The following GPR161 variants were observed in gnomAD, a reference collection of about 807,000 sequenced individuals.
The protein encoded by GPR161 is G-protein coupled receptor RE2.
GPR161 carries 25 observed loss-of-function variants against 39.2 expected under a neutral mutation model. The ratio of observed to expected loss-of-function variants is 0.64; its 90% CI spans 0.47 to 0.89. GPR161 has a LOEUF of 0.89. GPR161 is among the 40% of genes least tolerant of loss of function. GPR161 has a pLI of 0.00. For missense variants in GPR161, 547 were observed against 677.8 expected (o/e 0.81, Z 2.14); for synonymous variants, 286 against 276.6 (o/e 1.03, Z -0.34).
rs35898929 is a variant in GPR161 at position 168,097,121 on chromosome 1, G to A, written c.486C>T (p.Pro162=). The A allele has an allele frequency of 3.6e-3, 5,810 of 1,614,060 alleles. 158 individuals carry two copies. The African/African-American group carries it at 0.064, about 18-fold the overall frequency. Residue 162 remains proline, a synonymous_variant, in exon 3 of 6, where the codon CCC becomes CCT. Coordinates refer to ENST00000682931, the MANE Select transcript of GPR161 (RefSeq NM_001375883.1). ...WLHSLIGCLP[P]LFGWSSVEFD... is the part of the protein sequence containing the mutation. The stretch of plus-strand genomic sequence containing the variant: ...ACTCCACGGATGACCAACCAAACAG[G>A]GGTGGCAGGCAGCCGATGAGCGAGT...
intron 1 of GPR161, among the ~76,000 whole-genome samples, chr1:168,123,065 A>G (rs1698308293): frequency 6.6e-6 from 1 of 152,228 alleles, no homozygotes; most frequent in South Asian, 2.1e-4. Context: ...AGTAGCAGAC[A>G]CTATTCATTA....
intron 1 of GPR161, among the ~76,000 whole-genome samples, chr1:168,106,315 A>G (rs1696622471): frequency 6.6e-6 from 1 of 152,212 alleles, no homozygotes; most frequent in Non-Finnish European, 1.5e-5. Flanking sequence ...CAGGGCGCAG[A>G]GTGGCTCACA....
chr1:168,122,220 G>C (rs962403403), intron 1 of GPR161, among the ~76,000 whole-genome samples: 1 of 151,944 alleles, frequency 6.6e-6, no homozygotes, highest in African/African-American at 2.4e-5. Context: ...GCAGGCCCTA[G>C]ACTACGGAGT....
At position 168,096,611 on chromosome 1, in the gene GPR161, G is replaced by A. The variant is rs757507182; in HGVS notation, c.996C>T (p.Arg332=). ...CAAAGCACATGCCCAGTAGTTCTTT[G>A]CGAACTGTCTTGTTCCAGAGTCCAT... ...LIYGLWNKTV[R]KELLGMCFGD... Residue 332 remains arginine (R), a synonymous_variant, in exon 3 of 6, where the codon CGC becomes CGT. Coordinates refer to ENST00000682931, the MANE Select transcript of GPR161 (RefSeq NM_001375883.1). The A allele has an allele frequency of 2.5e-6, 4 of 1,614,200 alleles. No homozygotes were observed. In the East Asian group the frequency reaches 8.9e-5, roughly 36 times the overall value.
intron 1 of GPR161, among the ~76,000 whole-genome samples, chr1:168,134,675 C>T (rs1371889914): frequency 1.3e-5 from 2 of 152,174 alleles, no homozygotes; most frequent in Non-Finnish European, 2.9e-5. Context: ...GAATCAGTTG[C>T]TATCTTTAAA....
intron 1 of GPR161, among the ~76,000 whole-genome samples, chr1:168,124,827 G>GTAC (rs1376062822): frequency 1.3e-5 from 2 of 152,134 alleles, no homozygotes; most frequent in African/African-American, 4.8e-5. Context: ...GCAAAGTGTG[G>GTAC]TACTCCTCCC....
At chr1:168,135,503 C>A (rs1322783271) in intron 1 of GPR161, among the ~76,000 whole-genome samples, 3 of 152,222 alleles carry the variant, frequency 2.0e-5, no homozygotes, top group African/African-American at 7.2e-5. Flanking sequence ...TCTCTATGAC[C>A]TGAGGTCCCT....
rs1364070420 is a variant in GPR161 at position 168,098,941 on chromosome 1, G to A, written c.375-1709C>T. On this transcript the variant is annotated intron_variant, in intron 2 of 5. Transcript: ENST00000682931. This position sits in a 1 kb window ranked among gnomAD's most constrained non-coding sequence, Gnocchi z 4.1. ...ATTAGCTATGTGACCTCAGCTAATT[G>A]ATGTAACCTCTCAGAGCTTCAGTTC... Among the ~76,000 whole-genome samples the A allele has an allele frequency of 6.6e-6, 1 of 152,196 alleles. No homozygotes were observed. Among genetic ancestry groups the A allele is most frequent in the Admixed American group, 6.5e-5 (1 of 15,280 alleles).
Position 168,111,652 on chromosome 1 carries a change from G to A in GPR161, c.-44-6758C>T, listed in dbSNP as rs111420521. On this transcript the variant is annotated intron_variant, in intron 1 of 5. Coordinates refer to ENST00000682931, the MANE Select transcript of GPR161 (RefSeq NM_001375883.1). ...AAATCCTGAAGTCACCTTTCTCCTG[G>A]CTTTTTGTTATGTGAAGTAATACAT... is the stretch of plus-strand genomic sequence containing the variant. 2.9e-3 allele frequency among the ~76,000 whole-genome samples: 444 copies of A among 152,240 alleles called. 1 individual carries two copies. The highest frequency in any genetic ancestry group is 0.01 in the African/African-American group (422 of 41,548).
In GPR161 at chr1:168,080,391, C is replaced by A. The variant is rs192166961; in HGVS notation, c.*5140G>T. 1,677 of 152,436 alleles carry A rather than the reference C, an allele frequency of 0.011. 27 individuals are homozygous for A. Among genetic ancestry groups the A allele is most frequent in the African/African-American group, 0.037 (1,526 of 41,556 alleles). The allele number at this position is 152,436 out of a possible 1,614,324, so 9.4% of individuals were successfully genotyped here. On this transcript the variant is annotated 3_prime_UTR_variant, in exon 6 of 6. Coordinates refer to ENST00000682931, the MANE Select transcript of GPR161 (RefSeq NM_001375883.1). Reference sequence around the variant, plus strand: ...GACTCTGGCTTAACTTACTTTGAGACCTCAGACAATTGCCCTGGATTCTGT... The same window carrying A: ...GACTCTGGCTTAACTTACTTTGAGAACTCAGACAATTGCCCTGGATTCTGT...
intron 1 of GPR161, among the ~76,000 whole-genome samples, chr1:168,119,243 CACATATATATATACGTATATATAT>C (rs1697926921): frequency 9.8e-6 from 1 of 101,614 alleles, no homozygotes; most frequent in African/African-American, 5.1e-5. Context: ...TATATATATA[CACATATATATATACGTATATATAT>C]GTGTATATAT....
chr1:168,136,471 C>G, intron 1 of GPR161: 5 of 1,269,452 alleles, frequency 3.9e-6, no homozygotes, highest in Non-Finnish European at 5.0e-6. Flanking sequence ...TGGGGTGGGC[C>G]TCTCAGAAGC....
chr1:168,129,382 C>T (rs1454025440), intron 1 of GPR161, among the ~76,000 whole-genome samples: 1 of 152,152 alleles, frequency 6.6e-6, no homozygotes, highest in Non-Finnish European at 1.5e-5. Context: ...TTACAAAAAG[C>T]ATTGCAGGCC....
chr1:168,120,857 TC>T (rs1698108781), intron 1 of GPR161, among the ~76,000 whole-genome samples: 1 of 152,148 alleles, frequency 6.6e-6, no homozygotes, highest in Non-Finnish European at 1.5e-5. Flanking sequence ...TCCTGAGGAC[TC>T]CCCCGCATGC....
At chr1:168,106,392 A>G (rs1482390898) in intron 1 of GPR161, among the ~76,000 whole-genome samples, 3 of 152,162 alleles carry the variant, frequency 2.0e-5, no homozygotes, top group Non-Finnish European at 4.4e-5. Context: ...TTTGAGAGCA[A>G]GCCCGGGCAA....
chr1:168,136,903 C>T lies in GPR161; in HGVS notation c.-209G>A, dbSNP rs2102281929. The stretch of plus-strand genomic sequence containing the variant: ...TCCTCCCGCGGGCCAGCCACCAGCA[C>T]GCGGACCCGGGCGGGCGCAGGCCAA... On this transcript the variant is annotated 5_prime_UTR_variant, in exon 1 of 6. It adds an upstream start codon to the 5' untranslated region. Transcript: ENST00000682931. 1 of 981,548 alleles carries T rather than the reference C, an allele frequency of 1.0e-6. No individual in the cohort carries two copies. Among genetic ancestry groups the T allele is most frequent in the African/African-American group, 1.8e-5 (1 of 56,860 alleles). The allele number at this position is 981,548 out of a possible 1,614,324, so 60.8% of individuals were successfully genotyped here.
intron 3 of GPR161, 84 bp downstream of exon 3, chr1:168,096,424 T>C: frequency 7.2e-7 from 1 of 1,385,632 alleles, no homozygotes; most frequent in Non-Finnish European, 1.0e-6. Context: ...GCCTGAGAAC[T>C]CACCCACAAA....
Position 168,097,200 on chromosome 1 carries a change from G to A in GPR161, c.407C>T (p.Pro136Leu). Residue 136 changes from proline to leucine, a missense_variant, in exon 3 of 6, where the codon CCC (proline) becomes CTC (leucine). Coordinates refer to ENST00000682931, the MANE Select transcript of GPR161 (RefSeq NM_001375883.1). ...YYAVLYPMVY[P>L]MKITGNRAVM... Reference sequence around the variant, plus strand: ...AGCCCGGTTCCCTGTGATCTTCATGGGGTACACCATGGGGTACAGGACAGC... The same window carrying A: ...AGCCCGGTTCCCTGTGATCTTCATGAGGTACACCATGGGGTACAGGACAGC... 6.2e-7 allele frequency: 1 copy of A among 1,613,782 alleles called. No homozygotes were observed. The highest frequency in any genetic ancestry group is 8.5e-7 in the Non-Finnish European group (1 of 1,179,926).
chr1:168,109,742 G>T (rs1264717364), intron 1 of GPR161, among the ~76,000 whole-genome samples: 1 of 151,900 alleles, frequency 6.6e-6, no homozygotes. Flanking sequence ...CGAGGCGGAT[G>T]GATCACCTGA....
Sources: gnomAD v4.1 joint callset for allele counts (sites outside exome capture counted in the v4.1 genomes callset) on GRCh38, gnomAD v4.1.1 for gene constraint, Gnocchi (gnomAD v3.1) non-coding constraint, MANE v1.5 for transcripts, NCBI Gene and HGNC (gene_info 2026-07-23, HGNC 2026-07-21) for gene names.